Variants in WASL observed in about 807,000 individuals in gnomAD.
WASL encodes the protein WASP like actin nucleation promoting factor, also known as actin nucleation-promoting factor WASL.
WASL carries 20 observed loss-of-function variants against 55.5 expected under a neutral mutation model. The ratio of observed to expected loss-of-function variants is 0.36; its 90% CI spans 0.25 to 0.52. The LOEUF is 0.52. WASL is among the 20% of genes least tolerant of loss of function. The probability of loss-of-function intolerance (pLI) is 0.92; values close to 1 mark genes in which losing one functional copy is unlikely to be tolerated. For missense variants in WASL, 504 were observed against 622.5 expected, an observed-to-expected ratio of 0.81 and a Z score of 2.03; for synonymous variants, 249 against 217.6, an observed-to-expected ratio of 1.14 and a Z score of -1.27.
chr7:123,733,475 T>A (rs538163149), intron 1 of WASL, among the ~76,000 whole-genome samples: 1 of 152,206 alleles, frequency 6.6e-6, no homozygotes, highest in African/African-American at 2.4e-5. Context: ...AAAATTTTGA[T>A]GAAAGAAATC....
At chr7:123,686,281 T>C (rs17622614) in intron 10 of WASL, among the ~76,000 whole-genome samples, 4,459 of 152,102 alleles carry the variant, frequency 0.029, 116 homozygotes, top group Non-Finnish European at 0.042. Flanking sequence ...TTCAATTGAG[T>C]CATGTTAATT....
chr7:123,738,827 T>C (rs1219546605), intron 1 of WASL, among the ~76,000 whole-genome samples: 1 of 152,058 alleles, frequency 6.6e-6, no homozygotes, highest in Non-Finnish European at 1.5e-5. Context: ...GAAGAAGAAT[T>C]GTCTTGAGTC....
At chr7:123,698,568 A>C (rs1412515363) in intron 5 of WASL, among the ~76,000 whole-genome samples, 1 of 152,132 alleles carries the variant, frequency 6.6e-6, no homozygotes, top group Non-Finnish European at 1.5e-5. Context: ...TATTTTAATA[A>C]TCCTAAAGTT....
chr7:123,713,435 G>A (rs539735074), intron 1 of WASL, among the ~76,000 whole-genome samples: 6 of 152,176 alleles, frequency 3.9e-5, no homozygotes, highest in African/African-American at 1.4e-4. Context: ...TTACAGATGC[G>A]AGCCACTGTG....
At chr7:123,688,591 A>G (rs1242267750) in intron 10 of WASL, among the ~76,000 whole-genome samples, 1 of 152,020 alleles carries the variant, frequency 6.6e-6, no homozygotes, top group Non-Finnish European at 1.5e-5. Flanking sequence ...CGAACTCCCG[A>G]CCTCAGGTGA....
Position 123,739,138 on chromosome 7 carries a change from T to G in WASL, c.117+9480A>C, listed in dbSNP as rs10255519. Reference sequence around the variant, plus strand: ...TAATTTCCAATTTTCTTTCTCCAGATCCTTCCTATCTTGAAATTTCTTGAA... The same window carrying G: ...TAATTTCCAATTTTCTTTCTCCAGAGCCTTCCTATCTTGAAATTTCTTGAA... On this transcript the variant is annotated intron_variant, in intron 1 of 10. Coordinates refer to ENST00000223023, the MANE Select transcript of WASL (RefSeq NM_003941.4). Among the ~76,000 whole-genome samples the G allele has an allele frequency of 3.7e-3, 567 of 152,344 alleles. 3 individuals carry two copies. The highest frequency in any genetic ancestry group is 0.013 in the African/African-American group (538 of 41,578).
chr7:123,746,614 G>T (rs1217773901), intron 1 of WASL, among the ~76,000 whole-genome samples: 1 of 152,206 alleles, frequency 6.6e-6, no homozygotes, highest in South Asian at 2.1e-4. Context: ...GCAGACAACT[G>T]AAAGTGTGGT....
intron 1 of WASL, among the ~76,000 whole-genome samples, chr7:123,731,423 A>G (rs1302211365): frequency 6.6e-6 from 1 of 152,198 alleles, no homozygotes; most frequent in Non-Finnish European, 1.5e-5. Flanking sequence ...ATCAGGAAGG[A>G]TAGAACTGAA....
At chr7:123,714,535 G>A (rs1306353811) in intron 1 of WASL, among the ~76,000 whole-genome samples, 1 of 152,150 alleles carries the variant, frequency 6.6e-6, no homozygotes, top group African/African-American at 2.4e-5. Flanking sequence ...AGAAACAGCT[G>A]CTATCTTAGG....
intron 1 of WASL, among the ~76,000 whole-genome samples, chr7:123,723,276 A>AT (rs1803983665): frequency 6.6e-6 from 1 of 152,136 alleles, no homozygotes; most frequent in South Asian, 2.1e-4. Flanking sequence ...TATTTCTTTT[A>AT]TTTTCAGTAT....
chr7:123,714,871 G>C (rs1803814014), intron 1 of WASL, among the ~76,000 whole-genome samples: 2 of 152,092 alleles, frequency 1.3e-5, no homozygotes, highest in South Asian at 4.1e-4. Flanking sequence ...AATGAAAAAG[G>C]GTGAGTCAAG....
chr7:123,697,808 T>C (rs1387518995), intron 5 of WASL, among the ~76,000 whole-genome samples: 2 of 152,226 alleles, frequency 1.3e-5, no homozygotes, highest in African/African-American at 2.4e-5. Context: ...GGTGGGCTTA[T>C]TGTGTCTAAA....
chr7:123,726,919 G>C (rs1205244000), intron 1 of WASL, among the ~76,000 whole-genome samples: 1 of 152,020 alleles, frequency 6.6e-6, no homozygotes, highest in Non-Finnish European at 1.5e-5. Flanking sequence ...GAAAATATCT[G>C]AAGTACGTAT....
At chr7:123,713,337 G>C (rs770962940) in intron 1 of WASL, among the ~76,000 whole-genome samples, 3 of 151,992 alleles carry the variant, frequency 2.0e-5, no homozygotes, top group Non-Finnish European at 2.9e-5. Context: ...ATTTTTTGTA[G>C]AGATGCAGTC....
chr7:123,728,255 C>CTAGT (rs1471729234), intron 1 of WASL, among the ~76,000 whole-genome samples: 1 of 152,174 alleles, frequency 6.6e-6, no homozygotes, highest in African/African-American at 2.4e-5. Context: ...ACAAAGAAAA[C>CTAGT]ACTAGACTGT....
chr7:123,700,175 C>CAAAAAAAAAA (rs1168168286), intron 5 of WASL, among the ~76,000 whole-genome samples: 2 of 47,320 alleles, frequency 4.2e-5, no homozygotes, highest in African/African-American at 7.5e-5. Context: ...AACTCCGTCT[C>CAAAAAAAAAA]AAAAAAAAAA....
At chr7:123,735,134 A>G (rs1804204799) in intron 1 of WASL, among the ~76,000 whole-genome samples, 1 of 146,548 alleles carries the variant, frequency 6.8e-6, no homozygotes, top group Non-Finnish European at 1.5e-5. Flanking sequence ...GTCTGACCAA[A>G]AAAAAAAAAA....
At chr7:123,743,829 T>C (rs551092170) in intron 1 of WASL, among the ~76,000 whole-genome samples, 14 of 152,306 alleles carry the variant, frequency 9.2e-5, no homozygotes, top group Admixed American at 9.2e-4. Context: ...CCCTGTATTA[T>C]ATATATAGAG....
At chr7:123,742,018 A>G (rs1482692082) in intron 1 of WASL, among the ~76,000 whole-genome samples, 1 of 152,240 alleles carries the variant, frequency 6.6e-6, no homozygotes, top group Non-Finnish European at 1.5e-5. Context: ...AAAAAATAGT[A>G]TATTTTAAAT....
Sources: allele counts gnomAD v4.1 joint callset (sites outside exome capture counted in the v4.1 genomes callset), GRCh38; gene constraint gnomAD v4.1.1; transcripts MANE v1.5; gene names NCBI Gene and HGNC (gene_info 2026-07-23, HGNC 2026-07-21).